ANKH: variants seen among roughly 807,000 people sequenced by gnomAD.
ANKH encodes ANKH inorganic pyrophosphate transport regulator.
In ANKH, 15 loss-of-function variants were observed where a neutral mutation model predicts 49.0. That is an observed-to-expected ratio of 0.31 (90% CI 0.20 to 0.47). The LOEUF is 0.47. ANKH is among the 20% of genes least tolerant of loss of function. The pLI is 1.00. For missense variants in ANKH, 429 were observed against 652.0 expected, an observed-to-expected ratio of 0.66 and a Z score of 3.72; for synonymous variants, 273 against 260.0, an observed-to-expected ratio of 1.05 and a Z score of -0.48.
Position 14,794,285 on chromosome 5 carries a change from C to T in ANKH, c.97-25094G>A, listed in dbSNP as rs116796283. The stretch of plus-strand genomic sequence containing the variant: ...TGAATTTCTCATGCTGGAACTATAC[C>T]CTGCAGCTTCCTGTGTGCCCAGCAC... On this transcript the variant is annotated intron_variant, in intron 1 of 11. Coordinates refer to ENST00000284268, the MANE Select transcript of ANKH (RefSeq NM_054027.6). 3.4e-3 allele frequency among the ~76,000 whole-genome samples: 511 copies of T among 152,310 alleles called. 1 individual carries two copies. The highest frequency in any genetic ancestry group is 0.012 in the African/African-American group (479 of 41,562).
At chr5:14,714,930 G>A (rs1002077601) in intron 9 of ANKH, among the ~76,000 whole-genome samples, 3 of 152,222 alleles carry the variant, frequency 2.0e-5, no homozygotes, top group Non-Finnish European at 4.4e-5. Flanking sequence ...CTCAATCTGC[G>A]AGTGCAGCTG....
chr5:14,777,718 G>A (rs1246948891), intron 1 of ANKH, among the ~76,000 whole-genome samples: 2 of 152,186 alleles, frequency 1.3e-5, no homozygotes, highest in Non-Finnish European at 1.5e-5. Flanking sequence ...TGCCCCTGGG[G>A]CACGGGTCCA....
intron 1 of ANKH, among the ~76,000 whole-genome samples, chr5:14,857,817 A>G (rs1735325337): frequency 1.3e-5 from 2 of 152,170 alleles, no homozygotes; most frequent in Non-Finnish European, 1.5e-5. Flanking sequence ...GGGAGGGAAC[A>G]CCCACCATGT....
chr5:14,727,460 G>A (rs1395073322), intron 8 of ANKH, among the ~76,000 whole-genome samples: 2 of 151,124 alleles, frequency 1.3e-5, no homozygotes, highest in African/African-American at 4.9e-5. Context: ...GTGTCTTTCA[G>A]ATCCCAACGA....
intron 1 of ANKH, among the ~76,000 whole-genome samples, chr5:14,857,276 G>C (rs1309750491): frequency 1.3e-5 from 2 of 152,170 alleles, no homozygotes; most frequent in Non-Finnish European, 2.9e-5. Flanking sequence ...CCACAAGTAT[G>C]CCTAGCCACA....
At chr5:14,747,814 T>C (rs370366836) in intron 6 of ANKH, among the ~76,000 whole-genome samples, 4 of 152,160 alleles carry the variant, frequency 2.6e-5, no homozygotes, top group Admixed American at 6.5e-5. Flanking sequence ...AAAAGGAGCA[T>C]TGGGATCGGG....
intron 1 of ANKH, among the ~76,000 whole-genome samples, chr5:14,821,589 C>A (rs1741197732): frequency 6.6e-6 from 1 of 152,214 alleles, no homozygotes; most frequent in African/African-American, 2.4e-5. Flanking sequence ...GTACCATCTT[C>A]ACTGCCCATA....
At chr5:14,796,493 C>T (rs1740393945) in intron 1 of ANKH, among the ~76,000 whole-genome samples, 1 of 147,204 alleles carries the variant, frequency 6.8e-6, no homozygotes, top group Non-Finnish European at 1.5e-5. Context: ...AAAAAAAACA[C>T]CATTTCACAG....
At position 14,745,759 on chromosome 5, in the gene ANKH, C is replaced by T; in HGVS notation, c.915+111G>A. ...TGCCCCCAACGTCACATTAACCTTA[C>T]AAAGGGAAGCAGGACTGAGAAGCAA... On this transcript the variant is annotated intron_variant, in intron 7 of 11. Coordinates refer to ENST00000284268, the MANE Select transcript of ANKH (RefSeq NM_054027.6). This position sits in a 1 kb window ranked among gnomAD's most constrained non-coding sequence, Gnocchi z 4.7. 1.1e-6 allele frequency: 1 copy of T among 945,576 alleles called. No homozygotes were observed. The highest frequency in any genetic ancestry group is 1.4e-5 in the South Asian group (1 of 73,392). The allele number at this position is 945,576 out of a possible 1,614,324, so 58.6% of individuals were successfully genotyped here.
chr5:14,786,542 G>A (rs1268441828), intron 1 of ANKH, among the ~76,000 whole-genome samples: 1 of 152,152 alleles, frequency 6.6e-6, no homozygotes, highest in Non-Finnish European at 1.5e-5. Context: ...CAGAGAAGCC[G>A]GCTCCCAGAA....
chr5:14,723,417 T>C (rs535223484), intron 8 of ANKH, among the ~76,000 whole-genome samples: 1 of 151,788 alleles, frequency 6.6e-6, no homozygotes, highest in South Asian at 2.1e-4. Context: ...ATTCCAGCAC[T>C]TTGGGAAGTC....
chr5:14,818,175 C>A (rs575172925), intron 1 of ANKH, among the ~76,000 whole-genome samples: 1 of 151,614 alleles, frequency 6.6e-6, no homozygotes, highest in East Asian at 1.9e-4. Context: ...CCTGATGAAA[C>A]CTTTAGCTCT....
In ANKH at chr5:14,745,891, A is replaced by G. The variant is rs1449891496; in HGVS notation, c.894T>C (p.Ala298=). ...MPYGWLTEIR[A]VYPAFDKNNP... ...TCACCTTGTCGAAAGCAGGATACAC[A>G]GCACGGATTTCCGTCAACCAGCCGT... Residue 298 remains alanine, a synonymous_variant, in exon 7 of 12, where the codon GCT becomes GCC. Coordinates refer to ENST00000284268, the MANE Select transcript of ANKH (RefSeq NM_054027.6). The surrounding 1 kb of genome is among the most constrained non-coding windows in gnomAD (Gnocchi z 4.7). 17 of 1,614,262 alleles carry G rather than the reference A, an allele frequency of 1.1e-5. No individual in the cohort carries two copies. The highest frequency in any genetic ancestry group is 1.4e-5 in the Non-Finnish European group (16 of 1,180,054).
At chr5:14,748,138 G>T (rs1368689712) in intron 6 of ANKH, among the ~76,000 whole-genome samples, 1 of 152,016 alleles carries the variant, frequency 6.6e-6, no homozygotes, top group African/African-American at 2.4e-5. Context: ...AGGTGGTGGG[G>T]GTCCCATACT....
chr5:14,784,425 G>A (rs1056209183), intron 1 of ANKH, among the ~76,000 whole-genome samples: 11 of 152,180 alleles, frequency 7.2e-5, no homozygotes, highest in Admixed American at 6.5e-5. Flanking sequence ...GGATAAACAC[G>A]TCTCTACCAT....
intron 1 of ANKH, among the ~76,000 whole-genome samples, chr5:14,846,494 C>T (rs1382256159): frequency 6.6e-6 from 1 of 152,024 alleles, no homozygotes; most frequent in Non-Finnish European, 1.5e-5. Flanking sequence ...ATTTTTAGTC[C>T]CTCAGCTTTT....
At chr5:14,776,169 G>A (rs879255979) in intron 1 of ANKH, among the ~76,000 whole-genome samples, 5 of 152,204 alleles carry the variant, frequency 3.3e-5, no homozygotes, top group Non-Finnish European at 5.9e-5. Flanking sequence ...GATGACTGCT[G>A]AGCTTTCTGG....
At chr5:14,871,040 T>C (rs942100862) in intron 1 of ANKH, 12 of 454,448 alleles carry the variant, frequency 2.6e-5, no homozygotes, top group Non-Finnish European at 4.3e-5. Context: ...ACATTTTAAT[T>C]AGAGCTGAGG....
intron 1 of ANKH, among the ~76,000 whole-genome samples, chr5:14,809,991 C>CTT (rs918216237): frequency 1.3e-5 from 2 of 152,126 alleles, no homozygotes; most frequent in African/African-American, 4.8e-5. Flanking sequence ...GACACGGACT[C>CTT]TGTTTGTGTT....
Sources: gnomAD v4.1 joint callset for allele counts (sites outside exome capture counted in the v4.1 genomes callset) on GRCh38, gnomAD v4.1.1 for gene constraint, Gnocchi (gnomAD v3.1) non-coding constraint, MANE v1.5 for transcripts, NCBI Gene and HGNC (gene_info 2026-07-23, HGNC 2026-07-21) for gene names.